Variants in MYO1B observed in about 807,000 individuals in gnomAD.
MYO1B encodes the protein myosin IB.
A neutral mutation model predicts 159.7 loss-of-function variants in MYO1B; 72 were observed. The observed-to-expected ratio is 0.45, with a 90% CI of 0.37 to 0.55. The LOEUF is 0.55. MYO1B is among the 20% of genes least tolerant of loss of function. The pLI, the probability that MYO1B is intolerant of heterozygous loss-of-function variation, is 0.00. For missense variants in MYO1B, 1,062 were observed against 1,364.8 expected (o/e 0.78, Z 3.50); for synonymous variants, 468 against 473.8 (o/e 0.99, Z 0.16).
intron 26 of MYO1B, among the ~76,000 whole-genome samples, chr2:191,410,658 C>T (rs751477829): frequency 9.9e-5 from 15 of 152,068 alleles, no homozygotes; most frequent in Admixed American, 6.5e-4. Context: ...TGTTTTGTGA[C>T]GCTTTTGTGT....
intron 14 of MYO1B, among the ~76,000 whole-genome samples, chr2:191,382,373 C>A (rs1461543583): frequency 6.6e-6 from 1 of 152,088 alleles, no homozygotes; most frequent in Non-Finnish European, 1.5e-5. Context: ...AGTAAAACAA[C>A]CCATTTACTC....
chr2:191,279,764 G>T (rs565756946), intron 2 of MYO1B, among the ~76,000 whole-genome samples: 108 of 149,808 alleles, frequency 7.2e-4, no homozygotes, highest in African/African-American at 1.7e-3. Context: ...TGAAGATGCA[G>T]TTAAAAAAAA....
At chr2:191,366,944 G>C (rs1694051575) in intron 11 of MYO1B, among the ~76,000 whole-genome samples, 1 of 151,760 alleles carries the variant, frequency 6.6e-6, no homozygotes, top group African/African-American at 2.4e-5. Context: ...TCCACTCTAA[G>C]CTCCTGGAGG....
intron 3 of MYO1B, among the ~76,000 whole-genome samples, chr2:191,298,970 A>G (rs1947457): frequency 0.53 from 80,451 of 151,930 alleles, 22,044 homozygotes; most frequent in East Asian, 0.65. Context: ...CTGTGTTCCT[A>G]CACCACAAAC....
At position 191,400,835 on chromosome 2, in the gene MYO1B, G is replaced by A; in HGVS notation, c.2469G>A (p.Lys823=). The A allele has an allele frequency of 6.2e-7, 1 of 1,613,526 alleles. No individual in the cohort carries two copies. The highest frequency in any genetic ancestry group is 8.5e-7 in the Non-Finnish European group (1 of 1,179,536). ...AVIWAYWLGS[K]ARRELKRLKE... ...TTTGGGCTTACTGGCTTGGATCTAA[G>A]GTACTTGATGCACATATCCCAACAC... Residue 823 remains lysine (K), a splice_region_variant and synonymous_variant, in exon 23 of 31, where the codon AAG becomes AAA. Coordinates refer to ENST00000392318, the MANE Select transcript of MYO1B (RefSeq NM_001130158.3).
At chr2:191,397,446 C>T (rs951523657) in intron 21 of MYO1B, among the ~76,000 whole-genome samples, 4 of 151,656 alleles carry the variant, frequency 2.6e-5, no homozygotes, top group African/African-American at 7.3e-5. Flanking sequence ...CATCTTGCAC[C>T]GCCCTTAATC....
chr2:191,400,245 C>T (rs1696523845), intron 21 of MYO1B, 137 bp from the exon 22 acceptor site: 5 of 903,810 alleles, frequency 5.5e-6, no homozygotes, highest in African/African-American at 1.6e-5. Context: ...GGCTAGTCAC[C>T]TTCGCCTTCT....
chr2:191,349,409 AAAACT>A (rs770914230), intron 6 of MYO1B, among the ~76,000 whole-genome samples: 6 of 152,254 alleles, frequency 3.9e-5, no homozygotes, highest in Admixed American at 6.5e-5. Context: ...GACATGAAAC[AAAACT>A]AAAGACTTTA....
At chr2:191,289,749 A>G (rs1688589388) in intron 2 of MYO1B, among the ~76,000 whole-genome samples, 1 of 152,248 alleles carries the variant, frequency 6.6e-6, no homozygotes, top group Admixed American at 6.5e-5. Flanking sequence ...TGGTGTAGTT[A>G]TACATTTTAA....
chr2:191,393,956 TTA>T (rs1438857805), intron 20 of MYO1B, among the ~76,000 whole-genome samples: 2 of 152,212 alleles, frequency 1.3e-5, no homozygotes, highest in Admixed American at 6.5e-5. Context: ...ATCTCCTTTC[TTA>T]TATTCTTCCT....
At chr2:191,410,475 C>T (rs1339787803) in intron 26 of MYO1B, among the ~76,000 whole-genome samples, 3 of 152,152 alleles carry the variant, frequency 2.0e-5, no homozygotes, top group Non-Finnish European at 4.4e-5. Context: ...ATCTCAGGTC[C>T]CTCATCCCTA....
chr2:191,330,210 C>T (rs1030919536), intron 4 of MYO1B, among the ~76,000 whole-genome samples, 181 bp downstream of exon 4: 9 of 152,096 alleles, frequency 5.9e-5, no homozygotes, highest in Non-Finnish European at 1.2e-4. Context: ...AAACAAGATG[C>T]CTATCCAAGG....
chr2:191,366,672 A>T (rs773165846), intron 11 of MYO1B, among the ~76,000 whole-genome samples: 1 of 151,954 alleles, frequency 6.6e-6, no homozygotes, highest in Non-Finnish European at 1.5e-5. Flanking sequence ...CTGAAATCTG[A>T]TCCCACACAG....
intron 13 of MYO1B, among the ~76,000 whole-genome samples, chr2:191,379,667 A>G (rs1517835): frequency 0.79 from 119,441 of 152,092 alleles, 52,583 homozygotes; most frequent in Non-Finnish European, 0.98. Context: ...CAGATAACAC[A>G]TTTGTTCCAT....
At chr2:191,370,982 GAGA>G (rs1176036380) in intron 13 of MYO1B, 10 of 152,172 alleles carry the variant, frequency 6.6e-5, no homozygotes, top group Admixed American at 4.6e-4. Context: ...GAATGATATA[GAGA>G]AGATGAGCAT....
intron 6 of MYO1B, among the ~76,000 whole-genome samples, chr2:191,349,376 T>TA (rs1267064631): frequency 4.6e-5 from 7 of 152,224 alleles, no homozygotes; most frequent in Non-Finnish European, 7.3e-5. Flanking sequence ...TTTTGAAAAT[T>TA]AATGAGTTAA....
intron 13 of MYO1B, among the ~76,000 whole-genome samples, chr2:191,375,195 G>T (rs2126053061): frequency 6.6e-6 from 1 of 152,268 alleles, no homozygotes; most frequent in South Asian, 2.1e-4. Context: ...CCCATATATG[G>T]TAAGAGTATG....
At chr2:191,382,095 A>C (rs1311676865) in intron 14 of MYO1B, among the ~76,000 whole-genome samples, 1 of 152,140 alleles carries the variant, frequency 6.6e-6, no homozygotes, top group Admixed American at 6.5e-5. Flanking sequence ...TTAATTTAAA[A>C]ATATATATTT....
At chr2:191,358,927 G>A (rs1454403697) in intron 7 of MYO1B, among the ~76,000 whole-genome samples, 6 of 152,240 alleles carry the variant, frequency 3.9e-5, no homozygotes, top group Non-Finnish European at 5.9e-5. Context: ...CACATAGTGC[G>A]TTAGCAGTAG....
Sources: gnomAD v4.1 joint callset for allele counts (sites outside exome capture counted in the v4.1 genomes callset) on GRCh38, gnomAD v4.1.1 for gene constraint, MANE v1.5 for transcripts, NCBI Gene and HGNC (gene_info 2026-07-23, HGNC 2026-07-21) for gene names.